Variants in RAPGEF2 observed in about 807,000 individuals in gnomAD.
RAPGEF2 encodes the protein Rap guanine nucleotide exchange factor 2.
RAPGEF2 carries 54 observed loss-of-function variants against 186.7 expected under a neutral mutation model. That is an observed-to-expected ratio of 0.29 (90% CI 0.23 to 0.36). The LOEUF is 0.36. Among genes scored for constraint, RAPGEF2 ranks in the 10% least tolerant of loss-of-function variants. RAPGEF2 has a pLI of 1.00. For synonymous variants in RAPGEF2, 712 were observed against 705.9 expected, an observed-to-expected ratio of 1.01 and a Z score of -0.14; for missense variants, 1,532 against 2,045.0, an observed-to-expected ratio of 0.75 and a Z score of 4.84.
At chr4:159,248,053 C>T (rs903644983) in intron 7 of RAPGEF2, among the ~76,000 whole-genome samples, 15 of 152,156 alleles carry the variant, frequency 9.9e-5, no homozygotes, top group African/African-American at 3.1e-4. Context: ...TGAGCCACTG[C>T]GCCCGGCCGA....
At chr4:159,289,776 A>G (rs1426337459) in intron 7 of RAPGEF2, among the ~76,000 whole-genome samples, 4 of 152,202 alleles carry the variant, frequency 2.6e-5, no homozygotes, top group South Asian at 2.1e-4. Context: ...TTCTAACTTC[A>G]GGAGGAGGGT....
intron 8 of RAPGEF2, among the ~76,000 whole-genome samples, chr4:159,305,852 G>T (rs1763215763): frequency 6.6e-6 from 1 of 152,058 alleles, no homozygotes; most frequent in South Asian, 2.1e-4. Flanking sequence ...TATGCTGAAA[G>T]ATAGGGGTCC....
chr4:159,115,314 C>T (rs1342503221), intron 1 of RAPGEF2, among the ~76,000 whole-genome samples: 1 of 152,056 alleles, frequency 6.6e-6, no homozygotes, highest in Non-Finnish European at 1.5e-5. Context: ...ATAATAAAGA[C>T]ATAAATCACT....
intron 1 of RAPGEF2, among the ~76,000 whole-genome samples, chr4:159,178,918 A>G (rs1746741276): frequency 6.6e-6 from 1 of 152,172 alleles, no homozygotes; most frequent in African/African-American, 2.4e-5. Flanking sequence ...GGTTGTGAAC[A>G]ATCACCCCCC....
intron 1 of RAPGEF2, among the ~76,000 whole-genome samples, chr4:159,181,387 C>G (rs192096429): frequency 6.6e-6 from 1 of 151,970 alleles, no homozygotes; most frequent in Non-Finnish European, 1.5e-5. Flanking sequence ...ATACACTTTT[C>G]TGGTCAGTGT....
chr4:159,282,913 A>G (rs1579753118), intron 7 of RAPGEF2, among the ~76,000 whole-genome samples: 2 of 152,298 alleles, frequency 1.3e-5, no homozygotes, highest in African/African-American at 2.4e-5. Flanking sequence ...TGGGAGTTCT[A>G]TACTTCCTAT....
chr4:159,143,400 A>G (rs1197762169), intron 1 of RAPGEF2, among the ~76,000 whole-genome samples: 2 of 152,176 alleles, frequency 1.3e-5, no homozygotes, highest in African/African-American at 2.4e-5. Context: ...CACACAATAG[A>G]TGGAAACTCA....
At chr4:159,269,743 G>C (rs1757874605) in intron 7 of RAPGEF2, among the ~76,000 whole-genome samples, 1 of 152,150 alleles carries the variant, frequency 6.6e-6, no homozygotes, top group South Asian at 2.1e-4. Context: ...GGGTGTGGTG[G>C]CTCACGCCTA....
chr4:159,104,553 A>AGAGAGAGAGAGAGAGAGAGAGAGT (rs1553991869), intron 1 of RAPGEF2, among the ~76,000 whole-genome samples: 1 of 136,028 alleles, frequency 7.4e-6, no homozygotes, highest in African/African-American at 2.9e-5. Flanking sequence ...AGAGAGAGAG[A>AGAGAGAGAGAGAGAGAGAGAGAGT]GTGTGTGTGT....
intron 1 of RAPGEF2, among the ~76,000 whole-genome samples, chr4:159,184,295 T>C (rs36160242): frequency 0.31 from 47,389 of 152,106 alleles, 7,776 homozygotes; most frequent in Non-Finnish European, 0.37. Flanking sequence ...TTTCTAGTTA[T>C]AGATCCTTGA....
intron 25 of RAPGEF2, among the ~76,000 whole-genome samples, chr4:159,348,899 G>T (rs1430559332): frequency 1.3e-5 from 2 of 152,150 alleles, no homozygotes; most frequent in Non-Finnish European, 1.5e-5. Context: ...AGACACTACA[G>T]GTGTTCCCCC....
rs571557373 is a variant in RAPGEF2, at chr4:159,129,366, T to C, written c.69+25135T>C. Among the ~76,000 whole-genome samples, 4 of 152,316 alleles carry C rather than the reference T, an allele frequency of 2.6e-5. No individual in the cohort carries two copies. The South Asian group carries it at 6.2e-4, about 24-fold the overall frequency. On this transcript the variant is annotated intron_variant, in intron 1 of 29. Coordinates refer to ENST00000691494, the MANE Select transcript of RAPGEF2 (RefSeq NM_001394067.2). The stretch of plus-strand genomic sequence containing the variant: ...TGCCTGTCAGTGTAATAATACATAA[T>C]GCTTACAGTTATGGTGTCAGTTCTT...
At chr4:159,336,556 T>C (rs1423839839) in intron 17 of RAPGEF2, among the ~76,000 whole-genome samples, 1 of 152,250 alleles carries the variant, frequency 6.6e-6, no homozygotes, top group African/African-American at 2.4e-5. Context: ...ACATTTTCTT[T>C]ATCCACTCAT....
rs185037386 is a variant in RAPGEF2, at chr4:159,241,484, A to G, written c.525+116A>G. On this transcript the variant is annotated intron_variant, in intron 6 of 29. Transcript: ENST00000691494. ...TCTTTTCAATTATATATATATACACACACATTAAGTATACTTAAATATTTA... is the reference window on the plus strand; with the variant it reads ...TCTTTTCAATTATATATATATACACGCACATTAAGTATACTTAAATATTTA... 534 of 390,264 alleles carry G rather than the reference A, an allele frequency of 1.4e-3. 2 individuals are homozygous for G. The highest frequency in any genetic ancestry group is 9.7e-3 in the African/African-American group (460 of 47,600). The allele number at this position is 390,264 out of a possible 1,614,324, so 24.2% of individuals were successfully genotyped here. A position where few individuals can be genotyped will look rare whatever the true frequency, so the allele number is the denominator to read the frequency against.
intron 3 of RAPGEF2, among the ~76,000 whole-genome samples, chr4:159,193,880 T>C (rs1748363741): frequency 6.6e-6 from 1 of 152,252 alleles, no homozygotes; most frequent in Admixed American, 6.5e-5. Context: ...ACTTACTTTC[T>C]ACCTTCTAGA....
At chr4:159,132,941 C>A (rs946219797) in intron 1 of RAPGEF2, among the ~76,000 whole-genome samples, 1 of 149,586 alleles carries the variant, frequency 6.7e-6, no homozygotes, top group Admixed American at 6.6e-5. Flanking sequence ...ACAGTGCAGT[C>A]TTACTTTCCT....
chr4:159,139,806 A>T (rs960240230), intron 1 of RAPGEF2, among the ~76,000 whole-genome samples: 4 of 152,214 alleles, frequency 2.6e-5, no homozygotes, highest in African/African-American at 9.6e-5. Flanking sequence ...CCTGTTTATT[A>T]AATGGAAAAT....
chr4:159,147,322 G>GA (rs1743053397), intron 1 of RAPGEF2, among the ~76,000 whole-genome samples: 1 of 149,772 alleles, frequency 6.7e-6, no homozygotes, highest in Non-Finnish European at 1.5e-5. Flanking sequence ...TGAAGTGTAT[G>GA]AAAAATGATT....
chr4:159,352,738 A>G lies in RAPGEF2; in HGVS notation c.3919A>G (p.Ser1307Gly). The part of the protein sequence containing the change: ...TVDNFSDSGH[S>G]EISSRSSIVS... ...GGATAATTTTTCAGATTCTGGTCAC[A>G]GTGAAATTTCTTCACGATCCAGTAT... The change falls in exon 27 of 30, where the codon AGT becomes GGT. Residue 1307 changes from serine to glycine, a missense_variant. By Grantham distance (56) the Ser-to-Gly change is moderately conservative. Coordinates refer to ENST00000691494, the MANE Select transcript of RAPGEF2 (RefSeq NM_001394067.2). 1 of 1,614,232 alleles carries G rather than the reference A, an allele frequency of 6.2e-7. No homozygotes were observed. Among genetic ancestry groups the G allele is most frequent in the Non-Finnish European group, 8.5e-7 (1 of 1,180,036 alleles).
Sources: allele counts gnomAD v4.1 joint callset (sites outside exome capture counted in the v4.1 genomes callset), GRCh38; gene constraint gnomAD v4.1.1; transcripts MANE v1.5; gene names NCBI Gene and HGNC (gene_info 2026-07-23, HGNC 2026-07-21).